Variants in ZFYVE1 observed in about 807,000 individuals in gnomAD.
ZFYVE1 encodes zinc finger FYVE-type containing 1, also known as zinc finger FYVE domain-containing protein 1.
Under a neutral mutation model 74.4 loss-of-function variants are expected in ZFYVE1, and 30 were observed. The observed-to-expected ratio is 0.40, with a 90% CI of 0.30 to 0.55. The LOEUF (loss-of-function observed/expected upper bound fraction) is 0.55. Among genes scored for constraint, ZFYVE1 ranks in the 20% least tolerant of loss-of-function variants. The probability of loss-of-function intolerance (pLI) is 0.42; values close to 1 mark genes in which losing one functional copy is unlikely to be tolerated. For synonymous variants in ZFYVE1, 335 were observed against 385.1 expected (o/e 0.87, Z 1.52); for missense variants, 703 against 1,011.6 (o/e 0.69, Z 4.14).
intron 2 of ZFYVE1, 88 bp from the exon 3 acceptor site, chr14:72,998,403 G>A: frequency 1.6e-6 from 2 of 1,261,066 alleles, no homozygotes; most frequent in Non-Finnish European, 2.1e-6. Context: ...CCAAGGACAA[G>A]GAACTTGATT....
chr14:73,004,416 T>C (rs1436786442), intron 2 of ZFYVE1, among the ~76,000 whole-genome samples: 1 of 152,094 alleles, frequency 6.6e-6, no homozygotes, highest in Non-Finnish European at 1.5e-5. Context: ...AGGTACAGAA[T>C]TGAATGTCTC....
chr14:73,026,133 GAA>G (rs1309344308), intron 1 of ZFYVE1, among the ~76,000 whole-genome samples: 19 of 95,684 alleles, frequency 2.0e-4, no homozygotes, highest in East Asian at 3.1e-4. Context: ...TTCACTAACT[GAA>G]AAAAAAAAAA....
chr14:72,988,607 G>A (rs1342146362), intron 4 of ZFYVE1, among the ~76,000 whole-genome samples: 6 of 151,626 alleles, frequency 4.0e-5, no homozygotes, highest in Non-Finnish European at 8.8e-5. Context: ...AGGAGTTCCA[G>A]GCCAGCCTGG....
At position 72,974,171 on chromosome 14, in the gene ZFYVE1, G is replaced by A. The variant is rs146193175; in HGVS notation, c.2010C>T (p.Asp670=). ...VQLAVTEAQV[D]DEGGTLIARK... ...GAGCAATGAGCGTTCCACCTTCATC[G>A]TCCACTTGTGCCTCGGTAACAGCTG... is the stretch of plus-strand genomic sequence containing the variant. The change falls in exon 11 of 12, where the codon GAC becomes GAT. Residue 670 remains aspartate (D), a synonymous_variant. Coordinates refer to ENST00000556143, the MANE Select transcript of ZFYVE1 (RefSeq NM_021260.4). 1.1e-5 allele frequency: 18 copies of A among 1,613,964 alleles called. No individual in the cohort carries two copies. The highest frequency in any genetic ancestry group is 1.7e-4 in the Middle Eastern group (1 of 6,060).
At chr14:72,976,503 G>A (rs772148495) in intron 8 of ZFYVE1, among the ~76,000 whole-genome samples, 35 of 152,206 alleles carry the variant, frequency 2.3e-4, no homozygotes, top group Non-Finnish European at 4.0e-4. Flanking sequence ...TAAGGAAATC[G>A]GCCGGGTGCG....
At position 72,978,471 on chromosome 14, in the gene ZFYVE1, G is replaced by A. The variant is rs367915005; in HGVS notation, c.1420-237C>T. ...AATCCCAGCTACTCAGGAGGCTCAG[G>A]CAGGAGAATTGCTGCAGCCCAGGAG... On this transcript the variant is annotated intron_variant, in intron 6 of 11. Coordinates refer to ENST00000556143, the MANE Select transcript of ZFYVE1 (RefSeq NM_021260.4). Among the ~76,000 whole-genome samples, 12 of 147,318 alleles carry A rather than the reference G, an allele frequency of 8.1e-5. No homozygotes were observed. In the East Asian group the frequency reaches 2.0e-3, roughly 25 times the overall value.
intron 4 of ZFYVE1, among the ~76,000 whole-genome samples, chr14:72,986,355 A>G (rs764760042): frequency 3.3e-5 from 5 of 152,106 alleles, no homozygotes; most frequent in Non-Finnish European, 5.9e-5. Flanking sequence ...ACTCTTGCAT[A>G]TGAGGTAAGA....
Position 73,024,681 on chromosome 14 carries a change from A to G in ZFYVE1, c.-173T>C, listed in dbSNP as rs553673728. 2 of 1,005,344 alleles carry G rather than the reference A, an allele frequency of 2.0e-6. No homozygotes were observed. The highest frequency in any genetic ancestry group is 2.7e-5 in the East Asian group (1 of 36,474). The allele number at this position is 1,005,344 out of a possible 1,614,324, so 62.3% of individuals were successfully genotyped here. On this transcript the variant is annotated 5_prime_UTR_variant, in exon 2 of 12. Transcript: ENST00000556143. ...TAGTTCTTCACAAACAAATGTTCAA[A>G]TTTTTAATTTGCTGCCTCTAAGACT...
At chr14:72,992,020 C>T (rs1452948624) in intron 4 of ZFYVE1, among the ~76,000 whole-genome samples, 1 of 151,986 alleles carries the variant, frequency 6.6e-6, no homozygotes, top group African/African-American at 2.4e-5. Flanking sequence ...AATTCTCCTG[C>T]CTCAGCCTCC....
At chr14:73,003,057 T>C (rs1893908081) in intron 2 of ZFYVE1, among the ~76,000 whole-genome samples, 1 of 138,358 alleles carries the variant, frequency 7.2e-6, no homozygotes, top group Non-Finnish European at 1.5e-5. Flanking sequence ...TTCTTTTCTT[T>C]TTTTTTTTTT....
chr14:72,992,621 C>CT (rs1555532808), intron 4 of ZFYVE1, among the ~76,000 whole-genome samples: 5 of 111,196 alleles, frequency 4.5e-5, no homozygotes, highest in African/African-American at 1.1e-4. Context: ...AGGTGCCCCC[C>CT]CCGCCCCTTG....
intron 2 of ZFYVE1, among the ~76,000 whole-genome samples, chr14:73,016,347 T>C (rs1228927466): frequency 6.6e-6 from 1 of 151,996 alleles, no homozygotes; most frequent in Non-Finnish European, 1.5e-5. Context: ...CCGTCTCTAC[T>C]AAAAGTACAA....
In ZFYVE1 at chr14:73,024,790, G is replaced by A. The variant is rs947887430; in HGVS notation, c.-282C>T. ...CAAAGATGTGGTCAAAATTGACTTG[G>A]AAGGGTCTTTTATGGCTATCTGAGA... On this transcript the variant is annotated 5_prime_UTR_variant, in exon 2 of 12. Transcript: ENST00000556143. 1.7e-5 allele frequency: 6 copies of A among 358,416 alleles called. No individual in the cohort carries two copies. The highest frequency in any genetic ancestry group is 1.3e-4 in the African/African-American group (6 of 47,696). The allele number at this position is 358,416 out of a possible 1,614,324, so 22.2% of individuals were successfully genotyped here. A position where few individuals can be genotyped will look rare whatever the true frequency, so the allele number is the denominator to read the frequency against.
At chr14:73,020,294 A>G (rs116979927) in intron 2 of ZFYVE1, among the ~76,000 whole-genome samples, 2,137 of 149,876 alleles carry the variant, frequency 0.014, 27 homozygotes, top group Non-Finnish European at 0.021. Context: ...AAAGGAAAGG[A>G]TAAGTATACA....
In ZFYVE1 at chr14:73,024,308, A is replaced by G. The variant is rs773498803; in HGVS notation, c.201T>C (p.His67=). The change falls in exon 2 of 12, where the codon CAT becomes CAC. Residue 67 remains histidine, a synonymous_variant. Transcript: ENST00000556143. ...CCTTGCAGAGGTCACAGTAAGGGAC[A>G]TGGCCAGGTTTGAGTCTTATCCGCT... The part of the protein sequence containing the change: ...NHERIRLKPG[H]VPYCDLCKGL... 8 of 1,614,102 alleles carry G rather than the reference A, an allele frequency of 5.0e-6. No individual in the cohort carries two copies. Among genetic ancestry groups the G allele is most frequent in the African/African-American group, 1.3e-5 (1 of 75,030 alleles).
Position 73,024,197 on chromosome 14 carries a change from C to G in ZFYVE1, c.312G>C (p.Gln104His). 2 of 1,614,190 alleles carry G rather than the reference C, an allele frequency of 1.2e-6. No homozygotes were observed. Among genetic ancestry groups the G allele is most frequent in the Non-Finnish European group, 1.7e-6 (2 of 1,180,038 alleles). ...TGTTACCCCCAGAATGAGTCCTCTT[C>G]TGGCACTCCAGGCACAAGTTAATTT... is the stretch of plus-strand genomic sequence containing the variant. ...TCKINLCLEC[Q>H]KRTHSGGNKR... Residue 104 changes from glutamine (Q) to histidine (H), a missense_variant, in exon 2 of 12, where the codon CAG becomes CAC. Gln to His is a conservative substitution (Grantham distance 24). This residue lies in a region of ZFYVE1 where 211 missense variants were observed against 221.7 expected (regional missense o/e 0.95). Transcript: ENST00000556143.
intron 2 of ZFYVE1, among the ~76,000 whole-genome samples, chr14:73,019,766 A>T (rs1401501345): frequency 6.6e-6 from 1 of 151,784 alleles, no homozygotes; most frequent in Admixed American, 6.6e-5. Flanking sequence ...AGCCTGACCA[A>T]CAAGGTGAAA....
At chr14:72,974,259 C>T (rs1893108231) in intron 10 of ZFYVE1, 66 bp from the exon 11 acceptor site, 1 of 1,454,800 alleles carries the variant, frequency 6.9e-7, no homozygotes, top group African/African-American at 1.4e-5. Flanking sequence ...AACTCAGGGA[C>T]CAATAGCAGA....
chr14:73,010,768 T>TAAA (rs35771113), intron 2 of ZFYVE1, among the ~76,000 whole-genome samples: 9 of 58,990 alleles, frequency 1.5e-4, no homozygotes, highest in African/African-American at 3.1e-4. Context: ...AGACTCCATC[T>TAAA]AAAAAAAAAA....
Sources: allele counts gnomAD v4.1 joint callset (sites outside exome capture counted in the v4.1 genomes callset), GRCh38; gene constraint gnomAD v4.1.1; regional missense constraint gnomAD v4.1.1; transcripts MANE v1.5; gene names NCBI Gene and HGNC (gene_info 2026-07-23, HGNC 2026-07-21).